Variants in COL23A1 observed in about 807,000 individuals in gnomAD.
The protein encoded by COL23A1 is collagen type XXIII alpha 1 chain.
A neutral mutation model predicts 99.3 loss-of-function variants in COL23A1; 97 were observed. That is an observed-to-expected ratio of 0.98 (90% CI 0.83 to 1.16). The LOEUF is 1.16. Ranked by LOEUF, COL23A1 falls within the 50% of genes most tolerant of loss-of-function variation. The pLI is 0.00. For missense variants in COL23A1, 762 were observed against 757.4 expected (o/e 1.01, Z -0.07); for synonymous variants, 320 against 308.2 (o/e 1.04, Z -0.40).
intron 2 of COL23A1, among the ~76,000 whole-genome samples, chr5:178,501,622 G>A (rs1011476193): frequency 6.6e-6 from 1 of 151,948 alleles, no homozygotes. Flanking sequence ...TCTAGCCAAA[G>A]GACCAGGGAA....
At chr5:178,266,043 T>C (rs1312891548) in intron 8 of COL23A1, among the ~76,000 whole-genome samples, 3 of 152,126 alleles carry the variant, frequency 2.0e-5, no homozygotes, top group South Asian at 2.1e-4. Context: ...GCCACTACTT[T>C]TTAAATTTTT....
rs1274624092 is a variant in COL23A1, at chr5:178,310,575, A to G, written c.362-3656T>C. 1.3e-5 allele frequency among the ~76,000 whole-genome samples: 2 copies of G among 152,116 alleles called. No individual in the cohort carries two copies. The highest frequency in any genetic ancestry group is 4.8e-5 in the African/African-American group (2 of 41,422). On this transcript the variant is annotated intron_variant, in intron 2 of 28. Coordinates refer to ENST00000390654, the MANE Select transcript of COL23A1 (RefSeq NM_173465.4). This position sits in a 1 kb window ranked among gnomAD's most constrained non-coding sequence, Gnocchi z 4.3. ...GCTAGAGCCTCCTGGAGCCCTTCAT[A>G]GTCTGTGGCTCCCAAGTGCAAGGAC...
intron 18 of COL23A1, among the ~76,000 whole-genome samples, 176 bp downstream of exon 18, chr5:178,249,885 G>A (rs1185671702): frequency 6.6e-6 from 1 of 151,868 alleles, no homozygotes; most frequent in East Asian, 1.9e-4. Context: ...AGGGCCGGAG[G>A]GCAGACCAGG....
chr5:178,349,987 C>T (rs1490659562), intron 2 of COL23A1, among the ~76,000 whole-genome samples: 2 of 152,190 alleles, frequency 1.3e-5, no homozygotes, highest in Non-Finnish European at 2.9e-5. Flanking sequence ...CCCAGGGTCT[C>T]GGGTCCTATC....
intron 2 of COL23A1, among the ~76,000 whole-genome samples, chr5:178,470,702 G>T (rs952131675): frequency 6.6e-6 from 1 of 152,172 alleles, no homozygotes; most frequent in Admixed American, 6.5e-5. Flanking sequence ...TGGAAATCCC[G>T]AAATTTCCCC....
chr5:178,339,276 CCA>C (rs1760521374), intron 2 of COL23A1, among the ~76,000 whole-genome samples: 2 of 152,202 alleles, frequency 1.3e-5, no homozygotes, highest in Non-Finnish European at 1.5e-5. Flanking sequence ...AAAGCCACGA[CCA>C]CAGTTTCCAG....
chr5:178,329,740 C>G (rs983466582), intron 2 of COL23A1, among the ~76,000 whole-genome samples: 1 of 152,142 alleles, frequency 6.6e-6, no homozygotes, highest in African/African-American at 2.4e-5. Context: ...AGTGCGAGAC[C>G]AGCCTGGCTA....
rs28560133 is a variant in COL23A1, at chr5:178,340,822, G to A, written c.362-33903C>T. On this transcript the variant is annotated intron_variant, in intron 2 of 28. Transcript: ENST00000390654. The surrounding 1 kb of genome is among the most constrained non-coding windows in gnomAD (Gnocchi z 4.7). Reference sequence around the variant, plus strand: ...GGTGCTCCCACTTTCCATCCAGAAAGCCATGCTGTTGCTCTCTTTGCAAGC... The same window carrying A: ...GGTGCTCCCACTTTCCATCCAGAAAACCATGCTGTTGCTCTCTTTGCAAGC... Among the ~76,000 whole-genome samples the A allele has an allele frequency of 5.1e-3, 779 of 152,352 alleles. 6 individuals are homozygous for A. The highest frequency in any genetic ancestry group is 0.018 in the African/African-American group (748 of 41,588).
intron 6 of COL23A1, among the ~76,000 whole-genome samples, chr5:178,269,654 TCATC>T (rs1241185933): frequency 1.0e-4 from 10 of 97,714 alleles, no homozygotes; most frequent in East Asian, 3.7e-4. Flanking sequence ...ACCAATCCAT[TCATC>T]CATCCATCCA....
At chr5:178,577,137 A>C (rs1166530273) in intron 1 of COL23A1, among the ~76,000 whole-genome samples, 1 of 151,936 alleles carries the variant, frequency 6.6e-6, no homozygotes, top group African/African-American at 2.4e-5. Context: ...CCCAACTCCC[A>C]AGGCCCAGCG....
At chr5:178,316,821 T>G (rs1759005827) in intron 2 of COL23A1, among the ~76,000 whole-genome samples, 1 of 151,830 alleles carries the variant, frequency 6.6e-6, no homozygotes, top group Non-Finnish European at 1.5e-5. Context: ...GGTAGTGGAC[T>G]GCAACATTGA....
chr5:178,300,896 C>T (rs1193810996), intron 3 of COL23A1, among the ~76,000 whole-genome samples: 1 of 152,128 alleles, frequency 6.6e-6, no homozygotes, highest in Non-Finnish European at 1.5e-5. Context: ...AGCAATGCAA[C>T]TATGATGTGC....
chr5:178,496,904 T>TA (rs1758227338), intron 2 of COL23A1, among the ~76,000 whole-genome samples: 1 of 152,190 alleles, frequency 6.6e-6, no homozygotes, highest in Non-Finnish European at 1.5e-5. Context: ...ACACAGTGAC[T>TA]AATAGCCTTC....
At chr5:178,508,015 TTTC>T (rs57811121) in intron 2 of COL23A1, among the ~76,000 whole-genome samples, 98,896 of 150,500 alleles carry the variant, frequency 0.66, 33,090 homozygotes, top group East Asian at 0.88. Context: ...CTTTTTATTT[TTTC>T]TTCTTCTTCT....
At chr5:178,516,807 T>A (rs1759542338) in intron 2 of COL23A1, among the ~76,000 whole-genome samples, 1 of 152,198 alleles carries the variant, frequency 6.6e-6, no homozygotes, top group South Asian at 2.1e-4. Context: ...GCCCACCTTG[T>A]CCACCCCATG....
chr5:178,397,339 C>T (rs1046158521), intron 2 of COL23A1, among the ~76,000 whole-genome samples: 2 of 152,210 alleles, frequency 1.3e-5, no homozygotes, highest in African/African-American at 4.8e-5. Flanking sequence ...GCAGGCCTCT[C>T]GCAGGAGTGA....
chr5:178,571,090 T>C (rs1763071789), intron 1 of COL23A1, among the ~76,000 whole-genome samples: 1 of 151,936 alleles, frequency 6.6e-6, no homozygotes, highest in African/African-American at 2.4e-5. Flanking sequence ...GGCATGGCAC[T>C]GTGGTTCACA....
In COL23A1 at chr5:178,247,615, G is replaced by A. The variant is rs1485094319; in HGVS notation, c.1270-63C>T. 4 of 1,602,104 alleles carry A rather than the reference G, an allele frequency of 2.5e-6. No individual in the cohort carries two copies. In the African/African-American group the frequency reaches 5.3e-5, roughly 21 times the overall value. ...GACCCTCTTGCAGTGGCCACTCACT[G>A]GCCCCTGGGGCCCTGTCCTGGGCTC... is the stretch of plus-strand genomic sequence containing the variant. On this transcript the variant is annotated intron_variant, in intron 21 of 28. Transcript: ENST00000390654.
At chr5:178,488,995 C>T (rs1330252486) in intron 2 of COL23A1, among the ~76,000 whole-genome samples, 1 of 152,212 alleles carries the variant, frequency 6.6e-6, no homozygotes, top group Non-Finnish European at 1.5e-5. Flanking sequence ...AAACTCAGCG[C>T]CTGGGAAGGC....
Sources: allele counts gnomAD v4.1 joint callset (sites outside exome capture counted in the v4.1 genomes callset), GRCh38; gene constraint gnomAD v4.1.1; non-coding constraint Gnocchi (gnomAD v3.1); transcripts MANE v1.5; gene names NCBI Gene and HGNC (gene_info 2026-07-23, HGNC 2026-07-21).